The following ICAM2 variants were observed in gnomAD, a reference collection of about 807,000 sequenced individuals.
ICAM2 encodes the protein intercellular adhesion molecule 2, also known as ICAM-2.
Under a neutral mutation model 19.1 loss-of-function variants are expected in ICAM2, and 14 were observed. The ratio of observed to expected loss-of-function variants is 0.73; its 90% confidence interval spans 0.48 to 1.15. The LOEUF (loss-of-function observed/expected upper bound fraction) is 1.15, where lower values mean the gene tolerates loss of function less well. ICAM2 is among the 50% of genes most tolerant of loss of function. ICAM2 has a pLI of 0.00. For missense variants in ICAM2, 311 were observed against 355.4 expected (o/e 0.88, Z 1.00); for synonymous variants, 153 against 152.7 (o/e 1.00, Z -0.01).
intron 1 of ICAM2, among the ~76,000 whole-genome samples, chr17:64,014,286 C>T (rs138386618): frequency 7.7e-6 from 1 of 129,574 alleles, no homozygotes; most frequent in Non-Finnish European, 1.6e-5. Context: ...CAGGCCTGGG[C>T]AACATGGTAA....
intron 1 of ICAM2, among the ~76,000 whole-genome samples, chr17:64,010,303 A>G (rs1911399290): frequency 6.6e-6 from 1 of 152,202 alleles, no homozygotes; most frequent in African/African-American, 2.4e-5. Flanking sequence ...CCTTCCTGGA[A>G]AATTGTTTTC....
In ICAM2 at chr17:64,006,669, G is replaced by T. The variant is rs1246737655; in HGVS notation, c.23C>A (p.Thr8Asn). ...CAGGGTGAAGAGGGCCACAGTCAGG[G>T]TCCTGTAACCGAAAGAGGACATCTC... is the stretch of plus-strand genomic sequence containing the variant. Reference protein sequence around the residue: MSSFGYRTLTVALFTLIC... With the variant: MSSFGYRNLTVALFTLIC... Residue 8 changes from threonine to asparagine, a missense_variant, in exon 2 of 5, where the codon ACC (threonine) becomes AAC (asparagine). Physicochemically the swap from Thr to Asn is moderately conservative, Grantham distance 65 (BLOSUM62 0). Transcript: ENST00000579788. The T allele has an allele frequency of 1.9e-6, 3 of 1,614,172 alleles. No homozygotes were observed. Among genetic ancestry groups the T allele is most frequent in the Non-Finnish European group, 2.5e-6 (3 of 1,180,008 alleles).
intron 1 of ICAM2, among the ~76,000 whole-genome samples, chr17:64,012,146 A>T (rs1018491048): frequency 2.0e-5 from 3 of 152,216 alleles, no homozygotes; most frequent in South Asian, 4.1e-4. Flanking sequence ...ACAATATGTT[A>T]AGTGAAATAA....
rs1485772521 is a variant in ICAM2, at chr17:64,002,723, T to C, written c.*24A>G. On this transcript the variant is annotated 3_prime_UTR_variant, in exon 5 of 5. Transcript: ENST00000579788. ...CACTGAGTTCCAGTGACCACCGTGG[T>C]GGTGGCCATGCCACTCATGGTTGCT... 1 of 1,602,238 alleles carries C rather than the reference T, an allele frequency of 6.2e-7. No individual in the cohort carries two copies.
chr17:64,003,377 G>A, intron 4 of ICAM2: 1 of 513,376 alleles, frequency 1.9e-6, no homozygotes, highest in Middle Eastern at 5.3e-4. Flanking sequence ...ATTGTGGAGG[G>A]GAGCCAAGGC....
chr17:64,004,459 C>T (rs1466895305), intron 3 of ICAM2: 1 of 171,332 alleles, frequency 5.8e-6, no homozygotes, highest in Admixed American at 5.5e-5. Context: ...TATTCAACCA[C>T]CCGAGGGGGT....
chr17:64,019,834 A>G (rs1452787569), intron 1 of ICAM2, among the ~76,000 whole-genome samples: 2 of 151,646 alleles, frequency 1.3e-5, no homozygotes, highest in Non-Finnish European at 1.5e-5. Context: ...AAAAAAAAAA[A>G]AAAAAAGCAG....
rs1293833731 is a variant in ICAM2, at chr17:64,002,627, G to A, written c.*120C>T. The stretch of plus-strand genomic sequence containing the variant: ...AGGTGTTTGTATTCGGGCTAGAAAA[G>A]GCAATGTCCCAAGTCTCTGCTGCCT... On this transcript the variant is annotated 3_prime_UTR_variant, in exon 5 of 5. Transcript: ENST00000579788. The A allele has an allele frequency of 2.3e-6, 2 of 867,170 alleles. No individual in the cohort carries two copies. The highest frequency in any genetic ancestry group is 1.7e-5 in the African/African-American group (1 of 59,244). The allele number at this position is 867,170 out of a possible 1,614,324, so 53.7% of individuals were successfully genotyped here. A position where few individuals can be genotyped will look rare whatever the true frequency, so the allele number is the denominator to read the frequency against.
Position 64,002,737 on chromosome 17 carries a change from C to T in ICAM2, c.*10G>A. ...GACCACCGTGGTGGTGGCCATGCCA[C>T]TCATGGTTGCTATGGCCGGAAGGCC... is the stretch of plus-strand genomic sequence containing the variant. On this transcript the variant is annotated 3_prime_UTR_variant, in exon 5 of 5. Transcript: ENST00000579788. 3.1e-6 allele frequency: 5 copies of T among 1,609,184 alleles called. No homozygotes were observed. Among genetic ancestry groups the T allele is most frequent in the Non-Finnish European group, 4.2e-6 (5 of 1,178,728 alleles).
At chr17:64,017,709 T>C (rs1433351609) in intron 1 of ICAM2, among the ~76,000 whole-genome samples, 3 of 152,208 alleles carry the variant, frequency 2.0e-5, no homozygotes, top group African/African-American at 7.2e-5. Flanking sequence ...GGTGTTAGCG[T>C]AGGTATAGGC....
chr17:64,008,303 C>T (rs1440561814), intron 1 of ICAM2, among the ~76,000 whole-genome samples: 1 of 152,150 alleles, frequency 6.6e-6, no homozygotes, highest in Non-Finnish European at 1.5e-5. Flanking sequence ...CAGCAAAGTC[C>T]TGAGAGCAGG....
chr17:64,003,009 C>G, intron 4 of ICAM2, 84 bp from the exon 5 acceptor site: 2 of 1,190,762 alleles, frequency 1.7e-6, no homozygotes, highest in Non-Finnish European at 2.4e-6. Context: ...CCACCCCCAA[C>G]CCAGACCCCC....
At chr17:64,014,517 GAGAA>G (rs200088207) in intron 1 of ICAM2, among the ~76,000 whole-genome samples, 1,513 of 133,792 alleles carry the variant, frequency 0.011, 44 homozygotes, top group African/African-American at 0.04. Flanking sequence ...GGGAGAGAGA[GAGAA>G]AGAAAGAAAG....
chr17:64,004,956 C>A (rs1461149266), intron 3 of ICAM2, 151 bp downstream of exon 3: 3 of 859,038 alleles, frequency 3.5e-6, no homozygotes, highest in African/African-American at 1.7e-5. Flanking sequence ...AAGGGCTGGC[C>A]TGGTCCTGCC....
rs1301299983 is a variant in ICAM2 at position 64,008,518 on chromosome 17, C to T, written c.-44-1783G>A. ...ATATTAACCAATTAATCCCCTAACT[C>T]TCTGAGGCAGGTACTGTTACTGTCT... is the stretch of plus-strand genomic sequence containing the variant. On this transcript the variant is annotated intron_variant, in intron 1 of 4. Transcript: ENST00000579788. 3.3e-5 allele frequency among the ~76,000 whole-genome samples: 5 copies of T among 152,178 alleles called. No individual in the cohort carries two copies. In the East Asian group the frequency reaches 9.6e-4, roughly 29 times the overall value.
chr17:64,013,809 T>C (rs1911546679), intron 1 of ICAM2, among the ~76,000 whole-genome samples: 1 of 152,044 alleles, frequency 6.6e-6, no homozygotes, highest in Non-Finnish European at 1.5e-5. Flanking sequence ...CTTCTATATA[T>C]ACTCTTTATA....
At chr17:64,017,302 T>C (rs560744374) in intron 1 of ICAM2, among the ~76,000 whole-genome samples, 2 of 152,354 alleles carry the variant, frequency 1.3e-5, no homozygotes, top group South Asian at 4.1e-4. Context: ...TTGGTTGTTC[T>C]TGTGTGTATC....
intron 1 of ICAM2, among the ~76,000 whole-genome samples, chr17:64,007,567 T>G (rs1367805077): frequency 6.6e-6 from 1 of 152,098 alleles, no homozygotes; most frequent in Admixed American, 6.6e-5. Context: ...TGGCCCTCAC[T>G]CAGTTTTCAA....
chr17:64,008,927 G>A (rs929624477), intron 1 of ICAM2, among the ~76,000 whole-genome samples: 4 of 152,138 alleles, frequency 2.6e-5, no homozygotes, highest in East Asian at 1.9e-4. Flanking sequence ...CGTCCTCCCC[G>A]AAAGCACAGG....
Sources: gnomAD v4.1 joint callset for allele counts (sites outside exome capture counted in the v4.1 genomes callset) on GRCh38, gnomAD v4.1.1 for gene constraint, MANE v1.5 for transcripts, NCBI Gene and HGNC (gene_info 2026-07-23, HGNC 2026-07-21) for gene names.